The following ASH1L variants were observed in gnomAD, a reference collection of about 807,000 sequenced individuals.
The protein encoded by ASH1L is histone-lysine N-methyltransferase ASH1L.
Under a neutral mutation model 269.0 loss-of-function variants are expected in ASH1L, and 23 were observed. The ratio of observed to expected loss-of-function variants is 0.09; its 90% confidence interval spans 0.06 to 0.12. The LOEUF (loss-of-function observed/expected upper bound fraction) is 0.12. Ranked by LOEUF, ASH1L falls within the 10% of genes least tolerant of loss-of-function variation. The pLI, the probability that ASH1L is intolerant of heterozygous loss-of-function variation, is 1.00. For missense variants in ASH1L, 2,912 were observed against 3,567.8 expected (o/e 0.82, Z 4.68); for synonymous variants, 1,187 against 1,253.5 (o/e 0.95, Z 1.12).
chr1:155,451,211 A>T (rs1198762996), intron 4 of ASH1L, among the ~76,000 whole-genome samples: 4 of 151,590 alleles, frequency 2.6e-5, no homozygotes, highest in Non-Finnish European at 4.4e-5. Context: ...AAAAAAAAAA[A>T]AAAGAAATAA....
intron 7 of ASH1L, among the ~76,000 whole-genome samples, chr1:155,394,061 T>A (rs1658162701): frequency 6.6e-6 from 1 of 152,190 alleles, no homozygotes; most frequent in African/African-American, 2.4e-5. Context: ...TTGATGAGAC[T>A]ATCAGGAAAA....
At chr1:155,558,240 G>A (rs995681796) in intron 1 of ASH1L, among the ~76,000 whole-genome samples, 2 of 152,088 alleles carry the variant, frequency 1.3e-5, no homozygotes, top group Admixed American at 6.6e-5. Context: ...AGGCCGAGGC[G>A]GGTGGATCAC....
intron 1 of ASH1L, 101 bp from the exon 2 acceptor site, chr1:155,521,719 A>C (rs971063125): frequency 4.0e-5 from 18 of 451,846 alleles, no homozygotes; most frequent in East Asian, 2.3e-4. Flanking sequence ...ACAACTACCC[A>C]AAAAAAAATC....
chr1:155,499,440 C>A (rs762301035), intron 2 of ASH1L, among the ~76,000 whole-genome samples: 72 of 152,124 alleles, frequency 4.7e-4, no homozygotes, highest in Non-Finnish European at 8.2e-4. Context: ...GAAAGAGGTA[C>A]AATTTTGAAC....
At chr1:155,456,851 A>T (rs1208480434) in intron 4 of ASH1L, among the ~76,000 whole-genome samples, 2 of 152,192 alleles carry the variant, frequency 1.3e-5, no homozygotes, top group Non-Finnish European at 2.9e-5. Flanking sequence ...GATAGACTAT[A>T]ATATTACTTA....
At chr1:155,543,523 A>AG (rs1029545567) in intron 1 of ASH1L, among the ~76,000 whole-genome samples, 4 of 151,890 alleles carry the variant, frequency 2.6e-5, no homozygotes, top group African/African-American at 9.6e-5. Flanking sequence ...AAAAAAAAAA[A>AG]AAAAAAAAGA....
At chr1:155,420,593 G>A (rs939998123) in intron 5 of ASH1L, among the ~76,000 whole-genome samples, 1 of 151,386 alleles carries the variant, frequency 6.6e-6, no homozygotes, top group Non-Finnish European at 1.5e-5. Context: ...GCTCATGCCT[G>A]TAATCCCAGC....
At chr1:155,556,795 T>C (rs1671625961) in intron 1 of ASH1L, among the ~76,000 whole-genome samples, 1 of 152,148 alleles carries the variant, frequency 6.6e-6, no homozygotes, top group East Asian at 1.9e-4. Context: ...ATGCCTATAA[T>C]TCCAGCAATT....
At chr1:155,544,210 G>A (rs745567694) in intron 1 of ASH1L, among the ~76,000 whole-genome samples, 6 of 151,044 alleles carry the variant, frequency 4.0e-5, no homozygotes, top group African/African-American at 1.5e-4. Context: ...AGCCCTACTC[G>A]TGGATGTAAA....
intron 5 of ASH1L, among the ~76,000 whole-genome samples, chr1:155,418,964 G>A (rs1660446581): frequency 2.0e-5 from 3 of 152,086 alleles, no homozygotes; most frequent in Admixed American, 6.6e-5. Context: ...CCAGCTACTC[G>A]GGAGGCTGAG....
chr1:155,487,519 C>T (rs929159711), intron 2 of ASH1L, among the ~76,000 whole-genome samples: 2 of 152,072 alleles, frequency 1.3e-5, no homozygotes, highest in African/African-American at 4.8e-5. Flanking sequence ...GCACAAGCCA[C>T]CATGTCTGGC....
At chr1:155,348,045 C>T (rs1415963240) in intron 19 of ASH1L, 141 bp from the exon 20 acceptor site, 9 of 962,158 alleles carry the variant, frequency 9.4e-6, no homozygotes, top group Non-Finnish European at 1.4e-5. Context: ...AATATATGGC[C>T]AGATAGTTGG....
chr1:155,448,372 T>C (rs1303896747), intron 4 of ASH1L, among the ~76,000 whole-genome samples: 1 of 151,410 alleles, frequency 6.6e-6, no homozygotes, highest in Non-Finnish European at 1.5e-5. Context: ...TGTTGTTGTA[T>C]TGAGATGGGT....
At chr1:155,499,724 A>C (rs962061578) in intron 2 of ASH1L, among the ~76,000 whole-genome samples, 1 of 152,248 alleles carries the variant, frequency 6.6e-6, no homozygotes. Flanking sequence ...ATGAAATCAA[A>C]GATATGAGCA....
intron 12 of ASH1L, among the ~76,000 whole-genome samples, chr1:155,366,310 G>A (rs780105293): frequency 1.5e-4 from 23 of 152,130 alleles, no homozygotes; most frequent in South Asian, 8.3e-4. Context: ...AAAAGTGGAG[G>A]AACCCTTAGG....
rs1654474389 is a variant in ASH1L, at chr1:155,357,111, AC to A, written c.7055+204del. On this transcript the variant is annotated intron_variant, in intron 15 of 27. Transcript: ENST00000392403. Reference sequence around the variant, plus strand: ...CACACACACACACACACACACACACACACACACAAAAGGGTAAGACTTAAAA... The same window carrying A: ...CACACACACACACACACACACACACAACACACAAAAGGGTAAGACTTAAAA... 2.5e-5 allele frequency among the ~76,000 whole-genome samples: 3 copies of A among 118,102 alleles called. No homozygotes were observed. In the South Asian group the frequency reaches 9.9e-4, roughly 39 times the overall value. The allele number at this position is 118,102 out of a possible 152,430, so 77.5% of individuals were successfully genotyped here. A position where few individuals can be genotyped will look rare whatever the true frequency, so the allele number is the denominator to read the frequency against.
chr1:155,344,254 C>G lies in ASH1L; in HGVS notation c.7910G>C (p.Arg2637Pro). 6.2e-7 allele frequency: 1 copy of G among 1,613,982 alleles called. No individual in the cohort carries two copies. The highest frequency in any genetic ancestry group is 8.5e-7 in the Non-Finnish European group (1 of 1,179,972). Residue 2637 changes from arginine (R) to proline (P), a missense_variant, in exon 22 of 28, where the codon CGG (arginine) becomes CCG (proline). Transcript: ENST00000392403. The stretch of plus-strand genomic sequence containing the variant: ...ACAGCCAGGTTGGGCATAGTGGGGC[C>G]GAGGGATCATGGGAACCTCCTGATA... ...PVDREVPMIP[R>P]PHYAQPGCVY...
chr1:155,485,255 CAA>C (rs71080707), intron 2 of ASH1L, among the ~76,000 whole-genome samples: 14,610 of 139,310 alleles, frequency 0.1, 2,418 homozygotes, highest in African/African-American at 0.36. Flanking sequence ...GATTCCGTCT[CAA>C]AAAAAAAAAA....
At chr1:155,433,085 T>C in intron 5 of ASH1L, 1 of 1,262,226 alleles carries the variant, frequency 7.9e-7, no homozygotes. Context: ...ATAATTAAAC[T>C]GCTATGACAG....
Sources: gnomAD v4.1 joint callset for allele counts (sites outside exome capture counted in the v4.1 genomes callset) on GRCh38, gnomAD v4.1.1 for gene constraint, MANE v1.5 for transcripts, NCBI Gene and HGNC (gene_info 2026-07-23, HGNC 2026-07-21) for gene names.